Variants in PDE4A observed in about 807,000 individuals in gnomAD.
The protein encoded by PDE4A is 3',5'-cyclic-AMP phosphodiesterase 4A.
PDE4A carries 21 observed loss-of-function variants against 73.9 expected under a neutral mutation model. The ratio of observed to expected loss-of-function variants is 0.28; its 90% CI spans 0.20 to 0.41. The LOEUF (loss-of-function observed/expected upper bound fraction) is 0.41, where lower values mean the gene tolerates loss of function less well. Ranked by LOEUF, PDE4A falls within the 10% of genes least tolerant of loss-of-function variation. PDE4A has a pLI of 1.00. For synonymous variants in PDE4A, 463 were observed against 505.4 expected, an observed-to-expected ratio of 0.92 and a Z score of 1.13; for missense variants, 958 against 1,211.4, an observed-to-expected ratio of 0.79 and a Z score of 3.10.
Position 10,453,018 on chromosome 19 carries a change from G to A in PDE4A, c.784-1811G>A, listed in dbSNP as rs1162859301. 2.0e-5 allele frequency: 26 copies of A among 1,309,364 alleles called. No homozygotes were observed. Among genetic ancestry groups the A allele is most frequent in the African/African-American group, 1.4e-4 (9 of 64,474 alleles). The allele number at this position is 1,309,364 out of a possible 1,614,324, so 81.1% of individuals were successfully genotyped here. On this transcript the variant is annotated intron_variant, in intron 6 of 14. Transcript: ENST00000380702. The surrounding 1 kb of genome is among the most constrained non-coding windows in gnomAD (Gnocchi z 4.6). ...CTCCCATGGGCACGGACCCCCCACC[G>A]CCTCCACCCACTGCCGCGGGGGGGC...
Position 10,458,069 on chromosome 19 carries a change from G to A in PDE4A, c.1068G>A (p.Gly356=). Residue 356 remains glycine, a synonymous_variant, in exon 8 of 15, where the codon GGG becomes GGA. Coordinates refer to ENST00000380702, the MANE Select transcript of PDE4A (RefSeq NM_001111307.2). This position sits in a 1 kb window ranked among gnomAD's most constrained non-coding sequence, Gnocchi z 4.6. ...SLNNSNIPRF[G]VKTDQEELLA... is the part of the protein sequence containing the mutation. ...ACAACTCTAACATTCCCCGATTTGG[G>A]GTGAAGACCGATCAAGAAGAGCTCC... 6.2e-7 allele frequency: 1 copy of A among 1,613,810 alleles called. No individual in the cohort carries two copies. The highest frequency in any genetic ancestry group is 1.1e-5 in the South Asian group (1 of 91,076).
chr19:10,452,962 A>G, intron 6 of PDE4A: 1 of 1,189,700 alleles, frequency 8.4e-7, no homozygotes, highest in East Asian at 4.7e-5. Flanking sequence ...AGAGCTCCGC[A>G]GCCTCCTCCT....
chr19:10,440,519 G>A (rs2042922922), intron 1 of PDE4A, among the ~76,000 whole-genome samples: 2 of 152,118 alleles, frequency 1.3e-5, no homozygotes. Context: ...TGCCTCCCGG[G>A]TTTAAGTGAT....
chr19:10,466,804 T>C, intron 14 of PDE4A, 83 bp from the exon 15 acceptor site: 1 of 1,529,138 alleles, frequency 6.5e-7, no homozygotes, highest in Non-Finnish European at 8.7e-7. Context: ...CATAAGCATG[T>C]TTTTCATTTC....
intron 6 of PDE4A, 133 bp from the exon 7 acceptor site, chr19:10,454,696 T>G: frequency 6.7e-7 from 1 of 1,495,576 alleles, no homozygotes; most frequent in African/African-American, 1.4e-5. Flanking sequence ...AGCAGTCTTA[T>G]AGGGGCTCTG....
At position 10,459,443 on chromosome 19, in the gene PDE4A, T is replaced by C; in HGVS notation, c.1145T>C (p.Val382Ala). 2 of 1,614,168 alleles carry C rather than the reference T, an allele frequency of 1.2e-6. No individual in the cohort carries two copies. Among genetic ancestry groups the C allele is most frequent in the Non-Finnish European group, 1.7e-6 (2 of 1,180,030 alleles). Reference protein sequence around the residue: ...LNKWGLNIFCVSDYAGGRSLT... With the variant: ...LNKWGLNIFCASDYAGGRSLT... ...AAGTGGGGCCTGAACATCTTTTGCGTGTCGGATTACGCTGGAGGCCGCTCA... is the reference window on the plus strand; with the variant it reads ...AAGTGGGGCCTGAACATCTTTTGCGCGTCGGATTACGCTGGAGGCCGCTCA... The change falls in exon 9 of 15, where the codon GTG (valine) becomes GCG (alanine). Residue 382 changes from valine (V) to alanine (A), a missense_variant. Physicochemically the swap from Val to Ala is moderately conservative, Grantham distance 64. Around this residue, in one of 3 missense-constraint regions of PDE4A, gnomAD observed 570 missense variants for 827.7 expected, o/e 0.69. Coordinates refer to ENST00000380702, the MANE Select transcript of PDE4A (RefSeq NM_001111307.2).
chr19:10,435,132 G>A (rs2042847907), intron 1 of PDE4A, among the ~76,000 whole-genome samples: 2 of 151,920 alleles, frequency 1.3e-5, no homozygotes, highest in Admixed American at 1.3e-4. Context: ...ATCCCCCAAG[G>A]CCTAGACTCT....
At chr19:10,420,465 G>A, upstream of PDE4A, 2 of 797,918 alleles carry the variant, frequency 2.5e-6, no homozygotes, top group Non-Finnish European at 3.0e-6. The surrounding 1 kb of genome is among the most constrained non-coding windows in gnomAD (Gnocchi z 6.0). Context: ...GGGGGGCGGG[G>A]AGGGGCGGGA....
chr19:10,435,163 A>T (rs1395528012), intron 1 of PDE4A, among the ~76,000 whole-genome samples: 1 of 151,964 alleles, frequency 6.6e-6, no homozygotes, highest in African/African-American at 2.4e-5. Flanking sequence ...CATAGCCCTC[A>T]ACAAGCCCAA....
rs899916304 is a variant in PDE4A, at chr19:10,425,232, A to C, written c.320+4148A>C. 5.3e-5 allele frequency among the ~76,000 whole-genome samples: 8 copies of C among 151,536 alleles called. No individual in the cohort carries two copies. The South Asian group carries it at 1.3e-3, about 24-fold the overall frequency. ...AGCGAGACCCTGTCTCAAAAAAAAAAACAAAAAACAAAAAACAGATCTGCT... is the reference window on the plus strand; with the variant it reads ...AGCGAGACCCTGTCTCAAAAAAAAACACAAAAAACAAAAAACAGATCTGCT... On this transcript the variant is annotated intron_variant, in intron 1 of 14. Coordinates refer to ENST00000380702, the MANE Select transcript of PDE4A (RefSeq NM_001111307.2).
chr19:10,462,783 C>G (rs139573895), intron 13 of PDE4A, among the ~76,000 whole-genome samples: 2 of 152,264 alleles, frequency 1.3e-5, no homozygotes, highest in Admixed American at 6.5e-5. Context: ...TCCCTCACCC[C>G]CCTTCCGACT....
At chr19:10,445,175 G>C (rs2042987367) in intron 1 of PDE4A, among the ~76,000 whole-genome samples, 1 of 152,164 alleles carries the variant, frequency 6.6e-6, no homozygotes, top group South Asian at 2.1e-4. Flanking sequence ...GCTCGCCCTG[G>C]TGGCCACTGA....
At chr19:10,454,625 C>T (rs2084533106) in intron 6 of PDE4A, 1 of 374,856 alleles carries the variant, frequency 2.7e-6, no homozygotes, top group South Asian at 1.1e-4. Context: ...ACCATGACTC[C>T]CCAAACCTGG....
chr19:10,464,826 T>C (rs2043336673), intron 14 of PDE4A, among the ~76,000 whole-genome samples: 1 of 151,838 alleles, frequency 6.6e-6, no homozygotes. Flanking sequence ...AAAATGATCC[T>C]CCACCCCCGC....
intron 1 of PDE4A, among the ~76,000 whole-genome samples, chr19:10,425,082 G>C (rs1329131834): frequency 1.3e-5 from 2 of 152,028 alleles, no homozygotes; most frequent in Non-Finnish European, 2.9e-5. Flanking sequence ...AAATTAGCCG[G>C]GTATGGTGGC....
Position 10,450,671 on chromosome 19 carries a change from G to C in PDE4A, c.670+19G>C, listed in dbSNP as rs573387531. On this transcript the variant is annotated intron_variant, in intron 5 of 14. Coordinates refer to ENST00000380702, the MANE Select transcript of PDE4A (RefSeq NM_001111307.2). The stretch of plus-strand genomic sequence containing the variant: ...CTGTCAGGTAGCTAAGCCCAGAGGG[G>C]TGGGAAGGGGCCCCCCTTGCTGCCC... 2.5e-6 allele frequency: 4 copies of C among 1,602,488 alleles called. No individual in the cohort carries two copies. The African/African-American group carries it at 5.3e-5, about 21-fold the overall frequency.
Position 10,458,177 on chromosome 19 carries a change from TTA to T in PDE4A, c.1101+77_1101+78del, listed in dbSNP as rs1178117226. ...ACCCTGAGAAGGACTGGGCATTGGG[TTA>T]TGTCTTAGGCCAGGTTTCCCAGAAG... On this transcript the variant is annotated intron_variant, in intron 8 of 14. Coordinates refer to ENST00000380702, the MANE Select transcript of PDE4A (RefSeq NM_001111307.2). The surrounding 1 kb of genome is among the most constrained non-coding windows in gnomAD (Gnocchi z 4.6). 47 of 1,427,974 alleles carry T rather than the reference TTA, an allele frequency of 3.3e-5. 1 individual carries two copies. The highest frequency in any genetic ancestry group is 4.6e-5 in the Non-Finnish European group (47 of 1,025,234). 88.5% of individuals were successfully genotyped at this position (1,427,974 alleles called of 1,614,324 possible). A position where few individuals can be genotyped will look rare whatever the true frequency, so the allele number is the denominator to read the frequency against.
chr19:10,438,932 C>T (rs1388307418), intron 1 of PDE4A, among the ~76,000 whole-genome samples: 1 of 152,170 alleles, frequency 6.6e-6, no homozygotes, highest in African/African-American at 2.4e-5. Context: ...GTCAGAATTC[C>T]TTTCCTTTTT....
intron 1 of PDE4A, among the ~76,000 whole-genome samples, chr19:10,431,902 C>G (rs2042793342): frequency 6.6e-6 from 1 of 152,094 alleles, no homozygotes; most frequent in Admixed American, 6.6e-5. Context: ...GCGTCTCTGT[C>G]TCCACTTCTG....
Sources: allele counts gnomAD v4.1 joint callset (sites outside exome capture counted in the v4.1 genomes callset), GRCh38; gene constraint gnomAD v4.1.1; regional missense constraint gnomAD v4.1.1; non-coding constraint Gnocchi (gnomAD v3.1); transcripts MANE v1.5; gene names NCBI Gene and HGNC (gene_info 2026-07-23, HGNC 2026-07-21).